The following TBX21 variants were observed in gnomAD, a reference collection of about 807,000 sequenced individuals.
TBX21 encodes the protein T-box transcription factor TBX21.
A neutral mutation model predicts 52.2 loss-of-function variants in TBX21; 11 were observed. The ratio of observed to expected loss-of-function variants is 0.21; its 90% CI spans 0.13 to 0.35. TBX21 has a LOEUF of 0.35. TBX21 is among the 10% of genes least tolerant of loss of function. The pLI is 1.00. For missense variants in TBX21, 625 were observed against 755.1 expected, an observed-to-expected ratio of 0.83 and a Z score of 2.02; for synonymous variants, 300 against 316.1, an observed-to-expected ratio of 0.95 and a Z score of 0.54.
rs754490303 is a variant in TBX21, at chr17:47,745,343, T to C, written c.1585T>C (p.Phe529Leu). Reference sequence around the variant, plus strand: ...TTTTGATAAGGAAGCTGAAGGACAGTTTTATAACTATTTTCCCAACTGAGC... The same window carrying C: ...TTTTGATAAGGAAGCTGAAGGACAGCTTTATAACTATTTTCCCAACTGAGC... ...SPFDKEAEGQ[F>L]YNYFPN The change falls in exon 6 of 6, where the codon TTT (phenylalanine) becomes CTT (leucine). Residue 529 changes from phenylalanine to leucine, a missense_variant. Physicochemically the swap from Phe to Leu is conservative, Grantham distance 22. Coordinates refer to ENST00000177694, the MANE Select transcript of TBX21 (RefSeq NM_013351.2). 1 of 1,605,330 alleles carries C rather than the reference T, an allele frequency of 6.2e-7. No homozygotes were observed. The highest frequency in any genetic ancestry group is 8.5e-7 in the Non-Finnish European group (1 of 1,176,450).
Position 47,745,199 on chromosome 17 carries a change from G to GC in TBX21, c.1446dup (p.Ile483HisfsTer7), listed in dbSNP as rs746994815. ...TCCCCCCTTGGTGTGGACTGAGATTGCCCCCATCCGGCCGGAATCCAGTGA... is the reference window on the plus strand; with the variant it reads ...TCCCCCCTTGGTGTGGACTGAGATTGCCCCCCATCCGGCCGGAATCCAGTGA... On this transcript the variant is annotated frameshift_variant, in exon 6 of 6. Coordinates refer to ENST00000177694, the MANE Select transcript of TBX21 (RefSeq NM_013351.2). LOFTEE classifies it high-confidence loss of function. The GC allele has an allele frequency of 6.2e-7, 1 of 1,614,214 alleles. No individual in the cohort carries two copies. Among genetic ancestry groups the GC allele is most frequent in the South Asian group, 1.1e-5 (1 of 91,088 alleles).
rs1024341087 is a variant in TBX21 at position 47,733,766 on chromosome 17, G to A, written c.312G>A (p.Pro104=). 1.3e-6 allele frequency: 2 copies of A among 1,491,650 alleles called. No individual in the cohort carries two copies. Among genetic ancestry groups the A allele is most frequent in the Non-Finnish European group, 1.8e-6 (2 of 1,124,408 alleles). 92.4% of individuals were successfully genotyped at this position (1,491,650 alleles called of 1,614,324 possible). A position where few individuals can be genotyped will look rare whatever the true frequency, so the allele number is the denominator to read the frequency against. ...PPPADAEGYQ[P]GEGYAAPDPR... ...CCGCGGACGCCGAGGGCTACCAGCC[G>A]GGCGAGGGCTACGCCGCCCCGGACC... Residue 104 remains proline, a synonymous_variant, in exon 1 of 6, where the codon CCG becomes CCA. Coordinates refer to ENST00000177694, the MANE Select transcript of TBX21 (RefSeq NM_013351.2). The surrounding 1 kb of genome is among the most constrained non-coding windows in gnomAD (Gnocchi z 6.6).
At chr17:47,744,137 G>A in intron 3 of TBX21, 58 bp from the exon 4 acceptor site, 1 of 1,587,796 alleles carries the variant, frequency 6.3e-7, no homozygotes, top group Non-Finnish European at 8.6e-7. Context: ...TGGTGGGGGT[G>A]ATGGGATCCT....
chr17:47,735,662 A>G lies in TBX21; in HGVS notation c.491+1717A>G, dbSNP rs551607985. On this transcript the variant is annotated intron_variant, in intron 1 of 5. Coordinates refer to ENST00000177694, the MANE Select transcript of TBX21 (RefSeq NM_013351.2). ...CGGCCACCAGTAAAAACAGCCACCC[A>G]CGCTCTCTGAAGGCCCTGATGCATT... Among the ~76,000 whole-genome samples the G allele has an allele frequency of 4.1e-4, 62 of 152,278 alleles. 2 individuals are homozygous for G. The South Asian group carries it at 0.012, about 30-fold the overall frequency.
chr17:47,734,930 C>T (rs935930651), intron 1 of TBX21, among the ~76,000 whole-genome samples: 4 of 151,988 alleles, frequency 2.6e-5, no homozygotes, highest in African/African-American at 7.3e-5. Flanking sequence ...GAGCCTCCTG[C>T]GCAAGGAAAG....
chr17:47,741,990 G>A (rs907667716), intron 1 of TBX21, among the ~76,000 whole-genome samples: 3 of 152,060 alleles, frequency 2.0e-5, no homozygotes, highest in South Asian at 2.1e-4. Flanking sequence ...ATGCAGCTGC[G>A]ATAGACGGAA....
At position 47,742,768 on chromosome 17, in the gene TBX21, C is replaced by T. The variant is rs1321257626; in HGVS notation, c.646+4C>T. 2 of 1,561,100 alleles carry T rather than the reference C, an allele frequency of 1.3e-6. No individual in the cohort carries two copies. The highest frequency in any genetic ancestry group is 1.2e-5 in the South Asian group (1 of 85,198). On this transcript the variant is annotated splice_donor_region_variant and intron_variant, in intron 2 of 5. Transcript: ENST00000177694. This position sits in a 1 kb window ranked among gnomAD's most constrained non-coding sequence, Gnocchi z 4.4. ...AAGGCCGAGGGCAGCATGCCAGGTG[C>T]GCGCGCCCCTGGGAGCGGTGGGCTC...
At chr17:47,743,938 C>G (rs778318160) in intron 3 of TBX21, among the ~76,000 whole-genome samples, 20 of 151,814 alleles carry the variant, frequency 1.3e-4, no homozygotes, top group Non-Finnish European at 1.3e-4. Context: ...CCCTAAAGCC[C>G]TGTTTGTGCT....
chr17:47,738,229 C>T (rs1048269389), intron 1 of TBX21, among the ~76,000 whole-genome samples: 1 of 152,202 alleles, frequency 6.6e-6, no homozygotes, highest in Non-Finnish European at 1.5e-5. Context: ...GCGATTATGG[C>T]TCACTGCAGC....
At position 47,744,888 on chromosome 17, in the gene TBX21, C is replaced by T. The variant is rs199527603; in HGVS notation, c.1130C>T (p.Ala377Val). The T allele has an allele frequency of 3.1e-5, 50 of 1,614,212 alleles. No individual in the cohort carries two copies. Among genetic ancestry groups the T allele is most frequent in the African/African-American group, 2.7e-5 (2 of 75,050 alleles). ...TTCTACCCCGACCTTCCTGGCCAGG[C>T]GAAGGATGTGGTTCCCCAGGCTTAC... is the stretch of plus-strand genomic sequence containing the variant. ...SRFYPDLPGQ[A>V]KDVVPQAYWL... The change falls in exon 6 of 6, where the codon GCG becomes GTG. Residue 377 changes from alanine (A) to valine (V), a missense_variant. Physicochemically the swap from Ala to Val is moderately conservative, Grantham distance 64. Coordinates refer to ENST00000177694, the MANE Select transcript of TBX21 (RefSeq NM_013351.2).
At chr17:47,740,831 GACAGC>G (rs2032260368) in intron 1 of TBX21, among the ~76,000 whole-genome samples, 1 of 152,186 alleles carries the variant, frequency 6.6e-6, no homozygotes, top group South Asian at 2.1e-4. Flanking sequence ...ACAGGCGTGT[GACAGC>G]ACCCTTCTAG....
At position 47,733,761 on chromosome 17, in the gene TBX21, C is replaced by A; in HGVS notation, c.307C>A (p.Gln103Lys). The change falls in exon 1 of 6, where the codon CAG becomes AAG. Residue 103 changes from glutamine to lysine, a missense_variant. Physicochemically the swap from Gln to Lys is moderately conservative, Grantham distance 53. Around this residue, in one of 4 missense-constraint regions of TBX21, gnomAD observed 221 missense variants for 204.9 expected, o/e 1.08. Coordinates refer to ENST00000177694, the MANE Select transcript of TBX21 (RefSeq NM_013351.2). This position sits in a 1 kb window ranked among gnomAD's most constrained non-coding sequence, Gnocchi z 6.6. The stretch of plus-strand genomic sequence containing the variant: ...GCCGCCCGCGGACGCCGAGGGCTAC[C>A]AGCCGGGCGAGGGCTACGCCGCCCC... ...FPPPADAEGY[Q>K]PGEGYAAPDP... The A allele has an allele frequency of 6.7e-7, 1 of 1,485,430 alleles. No individual in the cohort carries two copies. Among genetic ancestry groups the A allele is most frequent in the Admixed American group, 2.6e-5 (1 of 38,012 alleles). 92.0% of individuals were successfully genotyped at this position (1,485,430 alleles called of 1,614,324 possible). A position where few individuals can be genotyped will look rare whatever the true frequency, so the allele number is the denominator to read the frequency against.
At position 47,746,020 on chromosome 17, in the gene TBX21, A is replaced by AT. The variant is rs113389281; in HGVS notation, c.*662dup. On this transcript the variant is annotated 3_prime_UTR_variant, in exon 6 of 6. Transcript: ENST00000177694. ...GTGTTTTTTCTTTTTCTTTCTTTTT[A>AT]TTTTTTTTGAATGGGGGAGGCTATT... is the stretch of plus-strand genomic sequence containing the variant. 0.056 allele frequency: 8,419 copies of AT among 151,426 alleles called. 278 individuals carry two copies. The highest frequency in any genetic ancestry group is 0.11 in the Middle Eastern group (33 of 290). 9.4% of individuals were successfully genotyped at this position (151,426 alleles called of 1,614,324 possible).
intron 1 of TBX21, among the ~76,000 whole-genome samples, chr17:47,734,758 T>C (rs10514934): frequency 0.094 from 14,233 of 151,700 alleles, 860 homozygotes; most frequent in Middle Eastern, 0.14. Flanking sequence ...CTGCACCCTT[T>C]GAGGCTGGTC....
Position 47,742,814 on chromosome 17 carries a change from C to A in TBX21, c.646+50C>A. On this transcript the variant is annotated intron_variant, in intron 2 of 5. Transcript: ENST00000177694. This position sits in a 1 kb window ranked among gnomAD's most constrained non-coding sequence, Gnocchi z 4.4. Reference sequence around the variant, plus strand: ...GGCTCTGTTTCGCTGGGACTGGGCGCCCCCTGGTGGGCCCACCAAGCCCCT... The same window carrying A: ...GGCTCTGTTTCGCTGGGACTGGGCGACCCCTGGTGGGCCCACCAAGCCCCT... 1 of 1,519,456 alleles carries A rather than the reference C, an allele frequency of 6.6e-7. No individual in the cohort carries two copies. Among genetic ancestry groups the A allele is most frequent in the South Asian group, 1.2e-5 (1 of 81,774 alleles). 94.1% of individuals were successfully genotyped at this position (1,519,456 alleles called of 1,614,324 possible). A position where few individuals can be genotyped will look rare whatever the true frequency, so the allele number is the denominator to read the frequency against.
Position 47,739,065 on chromosome 17 carries a change from C to A in TBX21, c.492-3545C>A, listed in dbSNP as rs141761107. On this transcript the variant is annotated intron_variant, in intron 1 of 5. Transcript: ENST00000177694. The stretch of plus-strand genomic sequence containing the variant: ...TGAACCATCCCAAGGCTACTTAGTT[C>A]TTAGGGCCAGCAGAGGAATTTGGGG... 2.6e-3 allele frequency among the ~76,000 whole-genome samples: 400 copies of A among 151,962 alleles called. 2 individuals carry two copies. Among genetic ancestry groups the A allele is most frequent in the African/African-American group, 9.1e-3 (378 of 41,450 alleles).
Position 47,733,698 on chromosome 17 carries a change from C to A in TBX21, c.244C>A (p.Gln82Lys), listed in dbSNP as rs1019693559. ...LGAYAYPPRP[Q>K]AAGFPGAGES... ...AGCCTACGCCTACCCGCCGCGACCC[C>A]AGGCGGCCGGCTTCCCCGGCGCGGG... Residue 82 changes from glutamine to lysine, a missense_variant, in exon 1 of 6, where the codon CAG becomes AAG. By Grantham distance (53) the Gln-to-Lys change is moderately conservative (BLOSUM62 1). Coordinates refer to ENST00000177694, the MANE Select transcript of TBX21 (RefSeq NM_013351.2). This position sits in a 1 kb window ranked among gnomAD's most constrained non-coding sequence, Gnocchi z 6.6. 9.1e-6 allele frequency: 13 copies of A among 1,421,246 alleles called. No homozygotes were observed. Among genetic ancestry groups the A allele is most frequent in the Non-Finnish European group, 1.2e-5 (13 of 1,088,550 alleles). The allele number at this position is 1,421,246 out of a possible 1,614,324, so 88.0% of individuals were successfully genotyped here. A position where few individuals can be genotyped will look rare whatever the true frequency, so the allele number is the denominator to read the frequency against.
At position 47,744,725 on chromosome 17, in the gene TBX21, T is replaced by C. The variant is rs2032307947; in HGVS notation, c.990-23T>C. On this transcript the variant is annotated intron_variant, in intron 5 of 5. Coordinates refer to ENST00000177694, the MANE Select transcript of TBX21 (RefSeq NM_013351.2). ...GACTGGTTCTGCTTGTGACCCGTTT[T>C]CTTGCCTTCTATTTTTTTCTAGCAT... 3.1e-6 allele frequency: 5 copies of C among 1,602,660 alleles called. No individual in the cohort carries two copies. In the South Asian group the frequency reaches 3.3e-5, roughly 11 times the overall value.
At chr17:47,739,654 G>A (rs1475614623) in intron 1 of TBX21, among the ~76,000 whole-genome samples, 3 of 152,052 alleles carry the variant, frequency 2.0e-5, no homozygotes, top group African/African-American at 7.2e-5. Context: ...AGCTACTCGG[G>A]AGGCTGAGGC....
Sources: allele counts gnomAD v4.1 joint callset (sites outside exome capture counted in the v4.1 genomes callset), GRCh38; gene constraint gnomAD v4.1.1; regional missense constraint gnomAD v4.1.1; non-coding constraint Gnocchi (gnomAD v3.1); transcripts MANE v1.5; gene names NCBI Gene and HGNC (gene_info 2026-07-23, HGNC 2026-07-21).